The following PMS1 variants were observed in gnomAD, a reference collection of about 807,000 sequenced individuals.
PMS1 encodes the protein PMS1 homolog 1, mismatch repair system component, also known as PMS1 protein homolog 1.
PMS1 carries 79 observed loss-of-function variants against 93.1 expected under a neutral mutation model. The ratio of observed to expected loss-of-function variants is 0.85; its 90% CI spans 0.71 to 1.02. The LOEUF (loss-of-function observed/expected upper bound fraction) is 1.02, where lower values mean the gene tolerates loss of function less well. Ranked by LOEUF, PMS1 falls within the 50% of genes least tolerant of loss-of-function variation. PMS1 has a pLI of 0.00. For missense variants in PMS1, 1,064 were observed against 1,085.3 expected (o/e 0.98, Z 0.28); for synonymous variants, 335 against 363.4 (o/e 0.92, Z 0.89).
chr2:189,869,445 T>C (rs771237042), intron 11 of PMS1, among the ~76,000 whole-genome samples: 10 of 152,068 alleles, frequency 6.6e-5, no homozygotes, highest in Non-Finnish European at 1.3e-4. Flanking sequence ...TGGGTGGGGG[T>C]ATATGTGTTT....
At chr2:189,786,476 A>G (rs1449905976) in intron 1 of PMS1, among the ~76,000 whole-genome samples, 2 of 152,198 alleles carry the variant, frequency 1.3e-5, no homozygotes, top group Non-Finnish European at 2.9e-5. Flanking sequence ...GGATGTAGAG[A>G]GCGAGTAGAA....
At chr2:189,853,477 C>T (rs529096039) in intron 7 of PMS1, among the ~76,000 whole-genome samples, 1 of 151,560 alleles carries the variant, frequency 6.6e-6, no homozygotes, top group African/African-American at 2.4e-5. Context: ...TTCAAGGCCT[C>T]CAAAGGAGTA....
At chr2:189,802,708 T>C (rs1436274244) in intron 3 of PMS1, among the ~76,000 whole-genome samples, 4 of 152,222 alleles carry the variant, frequency 2.6e-5, no homozygotes, top group African/African-American at 9.6e-5. Flanking sequence ...TGGGCCCACA[T>C]ACTATAAAAG....
intron 4 of PMS1, among the ~76,000 whole-genome samples, chr2:189,808,422 G>C (rs947306001): frequency 3.3e-5 from 5 of 152,144 alleles, no homozygotes; most frequent in Admixed American, 2.0e-4. Flanking sequence ...CCACCTCCCA[G>C]GTTCAAACAG....
intron 6 of PMS1, among the ~76,000 whole-genome samples, chr2:189,847,502 T>C (rs530177104): frequency 2.2e-4 from 34 of 152,304 alleles, no homozygotes; most frequent in Non-Finnish European, 4.4e-4. Context: ...AAGAGTATTT[T>C]TTATTGCTTT....
intron 4 of PMS1, chr2:189,805,969 G>A: frequency 6.9e-7 from 1 of 1,441,796 alleles, no homozygotes; most frequent in Non-Finnish European, 9.2e-7. Flanking sequence ...ATGAGAGACT[G>A]GACACTTCCA....
At position 189,824,509 on chromosome 2, in the gene PMS1, A is replaced by G. The variant is rs1575154238; in HGVS notation, c.582+6329A>G. ...ATGAGTAATTTTCTGTTAGGAAATA[A>G]AAGAAATTGGAAAGCAGTATTTATA... On this transcript the variant is annotated intron_variant, in intron 5 of 12. Transcript: ENST00000441310. 2.0e-5 allele frequency among the ~76,000 whole-genome samples: 3 copies of G among 152,090 alleles called. No homozygotes were observed. In the South Asian group the frequency reaches 6.2e-4, roughly 31 times the overall value.
Position 189,876,500 on chromosome 2 carries a change from C to CT in PMS1, c.2635-764dup, listed in dbSNP as rs771438746. Among the ~76,000 whole-genome samples, 23 of 152,094 alleles carry CT rather than the reference C, an allele frequency of 1.5e-4. 1 individual carries two copies. The highest frequency in any genetic ancestry group is 6.6e-4 in the Admixed American group (10 of 15,266). ...TGCCTAATTTCCTTTTCTTGTTCCTCTTTTTTTTAACAACTATGATGCACC... is the reference window on the plus strand; with the variant it reads ...TGCCTAATTTCCTTTTCTTGTTCCTCTTTTTTTTTAACAACTATGATGCACC... On this transcript the variant is annotated intron_variant, in intron 12 of 12. Transcript: ENST00000441310.
rs1302576045 is a variant in PMS1, at chr2:189,814,217, G to A, written c.419-3800G>A. Among the ~76,000 whole-genome samples, 6 of 152,096 alleles carry A rather than the reference G, an allele frequency of 3.9e-5. No homozygotes were observed. In the East Asian group the frequency reaches 1.2e-3, roughly 29 times the overall value. ...AGAACTATGTGTTCTCACCATGTTA[G>A]AACATGGTGTTCCAAGGAATTTAAT... On this transcript the variant is annotated intron_variant, in intron 4 of 12. Coordinates refer to ENST00000441310, the MANE Select transcript of PMS1 (RefSeq NM_000534.5).
chr2:189,801,039 T>G (rs781439704), intron 3 of PMS1, among the ~76,000 whole-genome samples: 80 of 152,344 alleles, frequency 5.3e-4, no homozygotes, highest in Middle Eastern at 3.4e-3. Flanking sequence ...TTTTTATAAT[T>G]TTTTGTAGAG....
intron 4 of PMS1, among the ~76,000 whole-genome samples, chr2:189,815,136 T>A (rs1476277837): frequency 4.0e-5 from 6 of 149,456 alleles, no homozygotes; most frequent in Non-Finnish European, 7.4e-5. Context: ...CAAGCTGAGA[T>A]CTGAAAGAGT....
chr2:189,803,513 A>G (rs1395818712), intron 3 of PMS1, among the ~76,000 whole-genome samples: 2 of 152,174 alleles, frequency 1.3e-5, no homozygotes, highest in African/African-American at 4.8e-5. Context: ...CTCTGCCACC[A>G]TTCCTCAATG....
intron 6 of PMS1, among the ~76,000 whole-genome samples, chr2:189,851,220 T>G (rs1434240330): frequency 6.6e-6 from 1 of 152,194 alleles, no homozygotes; most frequent in Non-Finnish European, 1.5e-5. Flanking sequence ...ATAGTAATTA[T>G]TAAGTGGCCA....
chr2:189,832,841 A>C (rs1389019425), intron 5 of PMS1, among the ~76,000 whole-genome samples: 1 of 152,202 alleles, frequency 6.6e-6, no homozygotes, highest in Admixed American at 6.5e-5. Flanking sequence ...GAACTTTAGA[A>C]GGCCAGTTAT....
intron 11 of PMS1, 83 bp from the exon 12 acceptor site, chr2:189,873,413 A>G: frequency 1.1e-6 from 1 of 896,964 alleles, no homozygotes; most frequent in Non-Finnish European, 1.8e-6. Flanking sequence ...GGTTCACTAA[A>G]TGTTTTAACA....
chr2:189,846,752 A>G (rs1269504724), intron 6 of PMS1, among the ~76,000 whole-genome samples: 3 of 152,192 alleles, frequency 2.0e-5, no homozygotes, highest in African/African-American at 2.4e-5. Context: ...TCGCTTGTTG[A>G]TAGTCTGGCA....
At chr2:189,868,768 A>T (rs1350644707) in intron 11 of PMS1, among the ~76,000 whole-genome samples, 3 of 152,242 alleles carry the variant, frequency 2.0e-5, no homozygotes, top group Non-Finnish European at 4.4e-5. Context: ...GGGTATATAC[A>T]GAAAATACTT....
In PMS1 at chr2:189,854,337, A is replaced by C. The variant is rs1424873940; in HGVS notation, c.1065A>C (p.Ala355=). ...AAAATAATAAAACAGATGTTTCCGCAGCTGACATCGTTCTTAGTAAAACAG... is the reference window on the plus strand; with the variant it reads ...AAAATAATAAAACAGATGTTTCCGCCGCTGACATCGTTCTTAGTAAAACAG... ...SYENNKTDVS[A]ADIVLSKTAE... The change falls in exon 9 of 13, where the codon GCA becomes GCC. Residue 355 remains alanine, a synonymous_variant. Transcript: ENST00000441310. 1 of 1,598,486 alleles carries C rather than the reference A, an allele frequency of 6.3e-7. No homozygotes were observed. The highest frequency in any genetic ancestry group is 1.3e-5 in the African/African-American group (1 of 74,226).
At chr2:189,799,912 A>C (rs1233299) in intron 3 of PMS1, among the ~76,000 whole-genome samples, 62,479 of 152,060 alleles carry the variant, frequency 0.41, 16,484 homozygotes, top group African/African-American at 0.76. Context: ...CAATAAACTG[A>C]CTGCTCACTA....
Sources: gnomAD v4.1 joint callset for allele counts (sites outside exome capture counted in the v4.1 genomes callset) on GRCh38, gnomAD v4.1.1 for gene constraint, MANE v1.5 for transcripts, NCBI Gene and HGNC (gene_info 2026-07-23, HGNC 2026-07-21) for gene names.